Variants in STXBP6 observed in about 807,000 individuals in gnomAD.
STXBP6 encodes syntaxin binding protein 6, also known as syntaxin-binding protein 6.
A neutral mutation model predicts 26.9 loss-of-function variants in STXBP6; 21 were observed. The observed-to-expected ratio is 0.78, with a 90% CI of 0.55 to 1.12. STXBP6 has a LOEUF of 1.12. STXBP6 is among the 50% of genes most tolerant of loss of function. The pLI is 0.00. For missense variants in STXBP6, 232 were observed against 257.9 expected (o/e 0.90, Z 0.69); for synonymous variants, 97 against 92.6 (o/e 1.05, Z -0.27).
chr14:25,035,630 A>G (rs1156944104), intron 1 of STXBP6, among the ~76,000 whole-genome samples: 1 of 152,244 alleles, frequency 6.6e-6, no homozygotes, highest in East Asian at 1.9e-4. Flanking sequence ...ATGTGGCATA[A>G]AAATGAATAT....
intron 4 of STXBP6, among the ~76,000 whole-genome samples, chr14:24,820,947 A>G (rs922950153): frequency 6.6e-6 from 1 of 152,170 alleles, no homozygotes. Flanking sequence ...TAGCATACAG[A>G]TAGGTTTTGA....
chr14:24,920,402 G>A (rs565276423), intron 2 of STXBP6, among the ~76,000 whole-genome samples: 28 of 151,944 alleles, frequency 1.8e-4, no homozygotes, highest in African/African-American at 6.8e-4. Flanking sequence ...TATTTTTAAC[G>A]TTTGATCAAC....
intron 4 of STXBP6, among the ~76,000 whole-genome samples, chr14:24,839,761 T>A (rs2139007963): frequency 6.6e-6 from 1 of 152,318 alleles, no homozygotes; most frequent in East Asian, 1.9e-4. Flanking sequence ...TTATTATCCC[T>A]TCTTTACAAA....
chr14:24,924,914 C>T (rs1004233604), intron 2 of STXBP6, among the ~76,000 whole-genome samples: 5 of 152,156 alleles, frequency 3.3e-5, no homozygotes, highest in African/African-American at 1.2e-4. Flanking sequence ...CCTTTGTCTT[C>T]AAATTTCTCT....
At chr14:24,956,021 C>G (rs574649278) in intron 2 of STXBP6, among the ~76,000 whole-genome samples, 3 of 152,282 alleles carry the variant, frequency 2.0e-5, no homozygotes, top group South Asian at 2.1e-4. Context: ...AACCCACACC[C>G]TTTTCTCCAC....
intron 2 of STXBP6, among the ~76,000 whole-genome samples, chr14:24,899,740 C>G (rs2139619909): frequency 6.8e-6 from 1 of 147,142 alleles, no homozygotes; most frequent in Non-Finnish European, 1.5e-5. Context: ...GAGATCGTGC[C>G]ACCGCACTCT....
intron 1 of STXBP6, among the ~76,000 whole-genome samples, chr14:24,975,772 T>C: frequency 6.6e-6 from 1 of 152,224 alleles, no homozygotes; most frequent in East Asian, 1.9e-4. Flanking sequence ...ACTCTGCTTA[T>C]TTATATCTAT....
At chr14:24,919,579 T>A (rs2071906311) in intron 2 of STXBP6, among the ~76,000 whole-genome samples, 1 of 151,922 alleles carries the variant, frequency 6.6e-6, no homozygotes, top group East Asian at 1.9e-4. Flanking sequence ...TACGTCAGAT[T>A]AAATTCTGCT....
intron 2 of STXBP6, among the ~76,000 whole-genome samples, chr14:24,967,206 G>A (rs2073761398): frequency 6.6e-6 from 1 of 152,176 alleles, no homozygotes; most frequent in African/African-American, 2.4e-5. Context: ...TCATAGCACT[G>A]CTGTAAGGAT....
At chr14:24,930,429 T>C (rs1249414971) in intron 2 of STXBP6, among the ~76,000 whole-genome samples, 2 of 152,202 alleles carry the variant, frequency 1.3e-5, no homozygotes, top group African/African-American at 2.4e-5. Context: ...TTTACCTGTG[T>C]ATGATGTCCT....
At chr14:24,870,613 A>T (rs2069894130) in intron 2 of STXBP6, among the ~76,000 whole-genome samples, 1 of 152,198 alleles carries the variant, frequency 6.6e-6, no homozygotes, top group Non-Finnish European at 1.5e-5. Flanking sequence ...CCTAATACTT[A>T]AAAAGCGTGA....
chr14:25,038,473 G>T (rs1366267899), intron 1 of STXBP6, among the ~76,000 whole-genome samples: 1 of 152,142 alleles, frequency 6.6e-6, no homozygotes, highest in East Asian at 1.9e-4. Flanking sequence ...TCAAACATCT[G>T]CCATCAGCAA....
At chr14:24,938,557 G>A (rs1566493134) in intron 2 of STXBP6, among the ~76,000 whole-genome samples, 1 of 148,134 alleles carries the variant, frequency 6.8e-6, no homozygotes. Context: ...CCCAGAGGAA[G>A]CCATTCTTTC....
chr14:24,945,261 T>C (rs1167092361), intron 2 of STXBP6, among the ~76,000 whole-genome samples: 4 of 150,894 alleles, frequency 2.7e-5, no homozygotes, highest in Admixed American at 6.6e-5. Context: ...ATTCACATTG[T>C]TCTGAACCAG....
At chr14:24,855,703 C>T (rs1287224930) in intron 4 of STXBP6, among the ~76,000 whole-genome samples, 1 of 152,062 alleles carries the variant, frequency 6.6e-6, no homozygotes, top group African/African-American at 2.4e-5. Flanking sequence ...CAGATAAGAA[C>T]TAGAAGGCTA....
chr14:24,963,008 A>G (rs909255340), intron 2 of STXBP6, among the ~76,000 whole-genome samples: 2 of 152,210 alleles, frequency 1.3e-5, no homozygotes, highest in Admixed American at 6.5e-5. Flanking sequence ...TGTTAAATTA[A>G]AAAGGAGAAC....
intron 1 of STXBP6, among the ~76,000 whole-genome samples, chr14:25,007,616 CA>C (rs1355503513): frequency 6.6e-6 from 1 of 152,290 alleles, no homozygotes; most frequent in East Asian, 1.9e-4. Flanking sequence ...TCTGTGAGGT[CA>C]GGGAATTATG....
chr14:24,824,913 C>A (rs146775154), intron 4 of STXBP6, among the ~76,000 whole-genome samples: 2 of 152,160 alleles, frequency 1.3e-5, no homozygotes, highest in Non-Finnish European at 1.5e-5. Context: ...AAGTAGCTTA[C>A]GCAGGATTAG....
chr14:24,952,800 C>A (rs946250141), intron 2 of STXBP6, among the ~76,000 whole-genome samples: 3 of 152,120 alleles, frequency 2.0e-5, no homozygotes, highest in African/African-American at 7.2e-5. Flanking sequence ...CCATAAATTT[C>A]ATCAAATAAG....
Sources: gnomAD v4.1 joint callset for allele counts (sites outside exome capture counted in the v4.1 genomes callset) on GRCh38, gnomAD v4.1.1 for gene constraint, MANE v1.5 for transcripts, NCBI Gene and HGNC (gene_info 2026-07-23, HGNC 2026-07-21) for gene names.